Variants in EPG5 observed in about 807,000 individuals in gnomAD.
The protein encoded by EPG5 is ectopic P granules protein 5 homolog.
In EPG5, 159 loss-of-function variants were observed where a neutral mutation model predicts 302.7. The observed-to-expected ratio is 0.53, with a 90% CI of 0.46 to 0.60. EPG5 has a LOEUF of 0.60. Among genes scored for constraint, EPG5 ranks in the 20% least tolerant of loss-of-function variants. The pLI is 0.00. For missense variants in EPG5, 2,896 were observed against 3,092.4 expected, an observed-to-expected ratio of 0.94 and a Z score of 1.51; for synonymous variants, 1,158 against 1,136.8, an observed-to-expected ratio of 1.02 and a Z score of -0.37.
In EPG5 at chr18:45,850,760, T is replaced by A. The variant is rs1264653638; in HGVS notation, c.*1707A>T. On this transcript the variant is annotated 3_prime_UTR_variant, in exon 44 of 44. Transcript: ENST00000282041. ...CATACTGTCACTCAAAAATTTCACA[T>A]CCTAGGATATCAGTAATTATATCCT... is the stretch of plus-strand genomic sequence containing the variant. 6.6e-6 allele frequency: 1 copy of A among 152,658 alleles called. No homozygotes were observed. Among genetic ancestry groups the A allele is most frequent in the Non-Finnish European group, 1.5e-5 (1 of 68,042 alleles). The allele number at this position is 152,658 out of a possible 1,614,324, so 9.5% of individuals were successfully genotyped here.
chr18:45,895,834 T>C (rs986250722), intron 27 of EPG5, among the ~76,000 whole-genome samples: 4 of 152,208 alleles, frequency 2.6e-5, no homozygotes, highest in African/African-American at 7.2e-5. Flanking sequence ...AGTTTCATGA[T>C]GAGTCATAAA....
downstream of EPG5, among the ~76,000 whole-genome samples, chr18:45,844,328 G>A (rs2048348753): frequency 1.3e-5 from 2 of 152,042 alleles, no homozygotes; most frequent in South Asian, 4.1e-4. Flanking sequence ...CTGTTAGAAC[G>A]AATAAGATCT....
chr18:45,865,911 G>T, intron 38 of EPG5, 152 bp from the exon 39 acceptor site: 1 of 854,138 alleles, frequency 1.2e-6, no homozygotes, highest in Non-Finnish European at 1.8e-6. Context: ...GTCCCACGTG[G>T]CCCAAGGGGC....
At chr18:45,838,756 C>T in the EPG5 span, 2 of 1,581,938 alleles carry the variant, frequency 1.3e-6, no homozygotes, top group East Asian at 2.3e-5. Flanking sequence ...GCTGCCCAGT[C>T]CGGCTCACGC....
the EPG5 span, chr18:45,842,291 C>T: frequency 1.5e-6 from 2 of 1,315,410 alleles, no homozygotes; most frequent in East Asian, 2.4e-5. Flanking sequence ...ACCTTGGCAG[C>T]CCCCAGCTGG....
intron 39 of EPG5, among the ~76,000 whole-genome samples, chr18:45,864,052 G>A (rs1257156213): frequency 2.6e-5 from 4 of 152,076 alleles, no homozygotes; most frequent in Non-Finnish European, 4.4e-5. Context: ...TGGATAATAG[G>A]ATGTATATTA....
chr18:45,950,636 A>G (rs1181037869), intron 4 of EPG5, among the ~76,000 whole-genome samples: 2 of 152,232 alleles, frequency 1.3e-5, no homozygotes, highest in Non-Finnish European at 2.9e-5. Context: ...GGGCTGAAAC[A>G]TAAGTCTGAA....
At chr18:45,893,368 C>G (rs552320737) in intron 27 of EPG5, among the ~76,000 whole-genome samples, 2 of 151,992 alleles carry the variant, frequency 1.3e-5, no homozygotes, top group Non-Finnish European at 2.9e-5. Flanking sequence ...AGGTCAAGAC[C>G]AGCCTGGCCA....
At chr18:45,964,527 G>A (rs1038622272) in intron 1 of EPG5, among the ~76,000 whole-genome samples, 2 of 151,902 alleles carry the variant, frequency 1.3e-5, no homozygotes, top group Non-Finnish European at 2.9e-5. Flanking sequence ...TTTCTTCACT[G>A]GATAGGTATG....
the EPG5 span, among the ~76,000 whole-genome samples, chr18:45,824,617 G>A: frequency 6.6e-6 from 1 of 152,220 alleles, no homozygotes; most frequent in South Asian, 2.1e-4. Context: ...AGTTGAAGGA[G>A]TCCCATGAGA....
rs77945911 is a variant in EPG5 at position 45,864,169 on chromosome 18, C to A, written c.6766+1446G>T. Among the ~76,000 whole-genome samples the A allele has an allele frequency of 4.6e-3, 700 of 152,198 alleles. 1 individual carries two copies. Among genetic ancestry groups the A allele is most frequent in the African/African-American group, 0.014 (598 of 41,528 alleles). ...CCCAGACTGGAGTGCAGTGGCTATTCAGACACAATCATTGCACACTGTGGC... is the reference window on the plus strand; with the variant it reads ...CCCAGACTGGAGTGCAGTGGCTATTAAGACACAATCATTGCACACTGTGGC... On this transcript the variant is annotated intron_variant, in intron 39 of 43. Transcript: ENST00000282041.
rs189883488 is a variant in EPG5, at chr18:45,887,742, T to G, written c.5109+9A>C. 8 of 1,537,406 alleles carry G rather than the reference T, an allele frequency of 5.2e-6. No individual in the cohort carries two copies. The highest frequency in any genetic ancestry group is 3.6e-5 in the Admixed American group (2 of 56,256). ...ATCTGATCAAGGCAAAAGGTACAGA[T>G]AGCCTTACCTGTCCCAAGATCTCAA... On this transcript the variant is annotated intron_variant, in intron 29 of 43. Transcript: ENST00000282041.
At chr18:45,805,556 T>C in the EPG5 span, among the ~76,000 whole-genome samples, 1 of 151,752 alleles carries the variant, frequency 6.6e-6, no homozygotes, top group Non-Finnish European at 1.5e-5. Flanking sequence ...AAATTTCCAA[T>C]TAGCTAAAAA....
chr18:45,908,732 C>T (rs1177959891), intron 23 of EPG5, among the ~76,000 whole-genome samples: 2 of 152,162 alleles, frequency 1.3e-5, no homozygotes, highest in Non-Finnish European at 2.9e-5. Flanking sequence ...GGGCGGATCA[C>T]AAGGTCAGGA....
At chr18:45,903,295 T>C (rs1215588372) in intron 25 of EPG5, among the ~76,000 whole-genome samples, 5 of 151,838 alleles carry the variant, frequency 3.3e-5, no homozygotes, top group East Asian at 1.9e-4. Context: ...GGAGAGGAAA[T>C]GTTGGAGGGA....
At chr18:45,911,108 C>CAT (rs1397587397) in intron 22 of EPG5, among the ~76,000 whole-genome samples, 11,175 of 121,098 alleles carry the variant, frequency 0.092, 480 homozygotes, top group African/African-American at 0.14. Flanking sequence ...CACACACACA[C>CAT]ACATATATAT....
chr18:45,939,585 A>G lies in EPG5; in HGVS notation c.2099+15T>C, dbSNP rs1599617309. On this transcript the variant is annotated intron_variant, in intron 10 of 43. Coordinates refer to ENST00000282041, the MANE Select transcript of EPG5 (RefSeq NM_020964.3). Reference sequence around the variant, plus strand: ...AAGTTACTTCTCACTAAATATCATCATATGTCTTACTTACCTTTTGGCCTT... The same window carrying G: ...AAGTTACTTCTCACTAAATATCATCGTATGTCTTACTTACCTTTTGGCCTT... 1.9e-6 allele frequency: 3 copies of G among 1,613,328 alleles called. No homozygotes were observed. Among genetic ancestry groups the G allele is most frequent in the Non-Finnish European group, 1.7e-6 (2 of 1,179,466 alleles).
the EPG5 span, chr18:45,838,966 A>C: frequency 6.2e-7 from 1 of 1,604,048 alleles, no homozygotes; most frequent in Non-Finnish European, 8.5e-7. Context: ...CTCCGAGGCC[A>C]GCGTCTACCT....
At chr18:45,811,764 T>A in the EPG5 span, among the ~76,000 whole-genome samples, 9 of 152,334 alleles carry the variant, frequency 5.9e-5, 1 homozygote, top group South Asian at 1.7e-3. Flanking sequence ...ATGTGATGTA[T>A]CTCAAAATAA....
Sources: allele counts gnomAD v4.1 joint callset (sites outside exome capture counted in the v4.1 genomes callset), GRCh38; gene constraint gnomAD v4.1.1; transcripts MANE v1.5; gene names NCBI Gene and HGNC (gene_info 2026-07-23, HGNC 2026-07-21).